CRTAM: variants seen among roughly 807,000 people sequenced by gnomAD.
CRTAM encodes the protein cytotoxic and regulatory T cell molecule, also known as cytotoxic and regulatory T-cell molecule.
CRTAM carries 44 observed loss-of-function variants against 50.0 expected under a neutral mutation model. That is an observed-to-expected ratio of 0.88 (90% CI 0.69 to 1.13). The LOEUF (loss-of-function observed/expected upper bound fraction) is 1.13, where lower values mean the gene tolerates loss of function less well. Ranked by LOEUF, CRTAM falls within the 50% of genes most tolerant of loss-of-function variation. CRTAM has a pLI of 0.00. For synonymous variants in CRTAM, 159 were observed against 169.3 expected (o/e 0.94, Z 0.47); for missense variants, 448 against 457.5 (o/e 0.98, Z 0.19).
intron 5 of CRTAM, among the ~76,000 whole-genome samples, chr11:122,859,463 G>T (rs1032713590): frequency 5.3e-5 from 8 of 151,990 alleles, no homozygotes; most frequent in African/African-American, 1.7e-4. Context: ...ACACTGAAAA[G>T]ATTAGTGTGA....
In CRTAM at chr11:122,838,571, C is replaced by T. The variant is rs777180842; in HGVS notation, c.25C>T (p.Leu9=). Residue 9 remains leucine, a synonymous_variant, in exon 1 of 10, where the codon CTG becomes TTG. Coordinates refer to ENST00000227348, the MANE Select transcript of CRTAM (RefSeq NM_019604.4). MWWRVLSL[L]AWFPLQEASL... ...TATGTGGTGGAGAGTTCTCAGCTTG[C>T]TGGCATGGTTCCCCTTGCAAGGTAA... 5 of 1,614,064 alleles carry T rather than the reference C, an allele frequency of 3.1e-6. No individual in the cohort carries two copies. The highest frequency in any genetic ancestry group is 3.3e-5 in the Admixed American group (2 of 60,004).
chr11:122,855,219 C>G (rs1861989568), intron 4 of CRTAM, among the ~76,000 whole-genome samples: 1 of 152,176 alleles, frequency 6.6e-6, no homozygotes, highest in Non-Finnish European at 1.5e-5. Flanking sequence ...GCTGGGATTA[C>G]AGGCGTGAGC....
chr11:122,866,410 TTTTG>T (rs1434098231), intron 7 of CRTAM, among the ~76,000 whole-genome samples: 1 of 152,118 alleles, frequency 6.6e-6, no homozygotes, highest in African/African-American at 2.4e-5. Flanking sequence ...CATATCTTAC[TTTTG>T]TTTGTTTTTA....
At chr11:122,842,069 A>G (rs192646048) in intron 1 of CRTAM, among the ~76,000 whole-genome samples, 6 of 152,308 alleles carry the variant, frequency 3.9e-5, no homozygotes, top group Admixed American at 3.3e-4. Flanking sequence ...AAGACAAACT[A>G]TCTTCTGGAG....
intron 5 of CRTAM, among the ~76,000 whole-genome samples, chr11:122,856,987 C>T (rs1034746436): frequency 2.0e-5 from 3 of 151,444 alleles, no homozygotes; most frequent in Non-Finnish European, 4.4e-5. Context: ...GAGCCTGTAT[C>T]TAAAAGCTTC....
chr11:122,851,038 G>A (rs1057268558), intron 2 of CRTAM, among the ~76,000 whole-genome samples: 8 of 152,126 alleles, frequency 5.3e-5, no homozygotes, highest in Admixed American at 5.2e-4. Context: ...GAGGCTGGCC[G>A]ATCATTTTGA....
intron 5 of CRTAM, among the ~76,000 whole-genome samples, chr11:122,861,938 T>C (rs1054641438): frequency 1.4e-4 from 22 of 152,150 alleles, no homozygotes; most frequent in African/African-American, 4.3e-4. Flanking sequence ...GTACTAAACA[T>C]GTTATATAAA....
chr11:122,871,414 G>A lies in CRTAM; in HGVS notation c.*15G>A, dbSNP rs1399898838. The A allele has an allele frequency of 1.2e-6, 2 of 1,602,936 alleles. No homozygotes were observed. Among genetic ancestry groups the A allele is most frequent in the Admixed American group, 1.7e-5 (1 of 58,984 alleles). ...GTATTGTGTAGTGCTCTCTGCAATG[G>A]AACATGTGATTTCAGGGTTGCCGCA... is the stretch of plus-strand genomic sequence containing the variant. On this transcript the variant is annotated 3_prime_UTR_variant, in exon 10 of 10. Coordinates refer to ENST00000227348, the MANE Select transcript of CRTAM (RefSeq NM_019604.4).
At position 122,868,004 on chromosome 11, in the gene CRTAM, T is replaced by C; in HGVS notation, c.965-9T>C. On this transcript the variant is annotated splice_polypyrimidine_tract_variant and intron_variant, in intron 8 of 9. Coordinates refer to ENST00000227348, the MANE Select transcript of CRTAM (RefSeq NM_019604.4). ...CAGAAATTAGTTGCTTGATTTTCTT[T>C]TTTTGTAGAAAACGAAGTTTCAGAA... 1 of 1,575,530 alleles carries C rather than the reference T, an allele frequency of 6.3e-7. No homozygotes were observed. Among genetic ancestry groups the C allele is most frequent in the Non-Finnish European group, 8.7e-7 (1 of 1,147,608 alleles).
At chr11:122,868,306 G>T (rs1456815104) in intron 9 of CRTAM, among the ~76,000 whole-genome samples, 2 of 151,484 alleles carry the variant, frequency 1.3e-5, no homozygotes, top group Admixed American at 6.6e-5. Flanking sequence ...TGGACAGGAG[G>T]TCTGCAAACT....
chr11:122,862,415 G>T, intron 5 of CRTAM, 49 bp from the exon 6 acceptor site: 1 of 1,178,868 alleles, frequency 8.5e-7, no homozygotes, highest in Non-Finnish European at 1.3e-6. Flanking sequence ...CACAATGTGG[G>T]TAAAACTGCT....
In CRTAM at chr11:122,856,024, C is replaced by T. The variant is rs1201121538; in HGVS notation, c.652+168C>T. On this transcript the variant is annotated intron_variant, in intron 5 of 9. Transcript: ENST00000227348. ...GATTGAAATTTCTCCAGGTGAGTGA[C>T]GGAATTCCAACTATTCCAATGTTCA... is the stretch of plus-strand genomic sequence containing the variant. Among the ~76,000 whole-genome samples, 7 of 152,276 alleles carry T rather than the reference C, an allele frequency of 4.6e-5. No individual in the cohort carries two copies. In the South Asian group the frequency reaches 6.2e-4, roughly 14 times the overall value.
At chr11:122,862,297 A>G in intron 5 of CRTAM, 167 bp from the exon 6 acceptor site, 1 of 611,896 alleles carries the variant, frequency 1.6e-6, no homozygotes. Context: ...AGTGGGATAC[A>G]GATTCAAAAA....
At chr11:122,839,729 T>C (rs1480379444) in intron 1 of CRTAM, among the ~76,000 whole-genome samples, 2 of 152,166 alleles carry the variant, frequency 1.3e-5, no homozygotes, top group African/African-American at 2.4e-5. Flanking sequence ...TTGCTTTTTG[T>C]GTGTTTGTTA....
In CRTAM at chr11:122,871,078, C is replaced by CA. The variant is rs199521308; in HGVS notation, c.1052-182dup. ...TGGGTGGCAGAGTGAGAACCTGTCT[C>CA]AAAAAAAAACCACGAAAAACAAAAA... On this transcript the variant is annotated intron_variant, in intron 9 of 9. Coordinates refer to ENST00000227348, the MANE Select transcript of CRTAM (RefSeq NM_019604.4). 5.0e-3 allele frequency among the ~76,000 whole-genome samples: 741 copies of CA among 149,604 alleles called. 6 individuals are homozygous for CA. The highest frequency in any genetic ancestry group is 0.017 in the African/African-American group (689 of 40,674).
chr11:122,842,719 C>A (rs1861814041), intron 1 of CRTAM, among the ~76,000 whole-genome samples: 1 of 152,174 alleles, frequency 6.6e-6, no homozygotes, highest in African/African-American at 2.4e-5. Context: ...ATAATAGTGA[C>A]AAAAGAGGAC....
chr11:122,851,883 T>C (rs1223910070), intron 3 of CRTAM, 38 bp downstream of exon 3: 1 of 1,595,842 alleles, frequency 6.3e-7, no homozygotes, highest in South Asian at 1.1e-5. Context: ...GGGAGCAATA[T>C]GGATAGGAAC....
chr11:122,863,542 C>T (rs1330449357), intron 6 of CRTAM, among the ~76,000 whole-genome samples: 1 of 152,076 alleles, frequency 6.6e-6, no homozygotes, highest in Non-Finnish European at 1.5e-5. Flanking sequence ...TTCTGAGTAT[C>T]AGATCATATT....
intron 1 of CRTAM, among the ~76,000 whole-genome samples, chr11:122,848,070 T>C (rs555748591): frequency 6.6e-6 from 1 of 152,280 alleles, no homozygotes; most frequent in African/African-American, 2.4e-5. Flanking sequence ...GGGAATAGGA[T>C]GCTCTGAACA....
Sources: allele counts gnomAD v4.1 joint callset (sites outside exome capture counted in the v4.1 genomes callset), GRCh38; gene constraint gnomAD v4.1.1; transcripts MANE v1.5; gene names NCBI Gene and HGNC (gene_info 2026-07-23, HGNC 2026-07-21).